Variants in DLGAP1 observed in about 807,000 individuals in gnomAD.
DLGAP1 encodes the protein disks large-associated protein 1.
DLGAP1 carries 11 observed loss-of-function variants against 90.8 expected under a neutral mutation model. The ratio of observed to expected loss-of-function variants is 0.12; its 90% CI spans 0.08 to 0.20. The LOEUF (loss-of-function observed/expected upper bound fraction) is 0.20. DLGAP1 is among the 10% of genes least tolerant of loss of function. The pLI is 1.00. For missense variants in DLGAP1, 1,050 were observed against 1,333.8 expected (o/e 0.79, Z 3.31); for synonymous variants, 558 against 540.7 (o/e 1.03, Z -0.44).
intron 3 of DLGAP1, among the ~76,000 whole-genome samples, chr18:3,963,012 A>C (rs1220746253): frequency 6.6e-6 from 1 of 152,148 alleles, no homozygotes; most frequent in Non-Finnish European, 1.5e-5. Context: ...GACTGGTTGA[A>C]GACTGAAAAT....
At chr18:4,381,949 AGG>A (rs1300939896) in intron 1 of DLGAP1, among the ~76,000 whole-genome samples, 5 of 152,160 alleles carry the variant, frequency 3.3e-5, no homozygotes, top group African/African-American at 1.2e-4. Flanking sequence ...CAGACAAGAG[AGG>A]GAGTGATAGC....
At chr18:4,414,692 C>T (rs2144636658) in intron 1 of DLGAP1, among the ~76,000 whole-genome samples, 1 of 149,732 alleles carries the variant, frequency 6.7e-6, no homozygotes, top group Admixed American at 6.8e-5. Flanking sequence ...AGCCACTGCA[C>T]TCCAGCCTGG....
chr18:4,109,899 T>C (rs1249978451), intron 2 of DLGAP1, among the ~76,000 whole-genome samples: 3 of 152,168 alleles, frequency 2.0e-5, no homozygotes, highest in Admixed American at 2.0e-4. Context: ...GTTTATTTGT[T>C]TTTTGTGGGG....
rs530949401 is a variant in DLGAP1 at position 3,496,231 on chromosome 18, T to A, written c.*2954A>T. 36 of 152,310 alleles carry A rather than the reference T, an allele frequency of 2.4e-4. No individual in the cohort carries two copies. In the East Asian group the frequency reaches 5.0e-3, roughly 21 times the overall value. 9.4% of individuals were successfully genotyped at this position (152,310 alleles called of 1,614,324 possible). A position where few individuals can be genotyped will look rare whatever the true frequency, so the allele number is the denominator to read the frequency against. Reference sequence around the variant, plus strand: ...TTTTTTTCCAAACCAAAATAATTTTTAAAAATTACATTTGGGAATTCAGAT... The same window carrying A: ...TTTTTTTCCAAACCAAAATAATTTTAAAAAATTACATTTGGGAATTCAGAT... On this transcript the variant is annotated 3_prime_UTR_variant, in exon 13 of 13. Coordinates refer to ENST00000315677, the MANE Select transcript of DLGAP1 (RefSeq NM_004746.4).
rs368372729 is a variant in DLGAP1, at chr18:3,567,558, G to T, written c.1989C>A (p.Asp663Glu). ...GIQVDDAEEP[D>E]KTGENKAPSK... ...TGGGTGCTTTATTCTCCCCTGTTTT[G>T]TCAGGTTCTTCAGCATCATCCACCT... The change falls in exon 9 of 13, where the codon GAC (aspartate) becomes GAA (glutamate). Residue 663 changes from aspartate (D) to glutamate (E), a missense_variant. Physicochemically the swap from Asp to Glu is conservative, Grantham distance 45. This residue lies in a region of DLGAP1 where 565 missense variants were observed against 879.7 expected (regional missense o/e 0.64). Transcript: ENST00000315677. The T allele has an allele frequency of 7.4e-6, 12 of 1,613,762 alleles. No individual in the cohort carries two copies. Among genetic ancestry groups the T allele is most frequent in the Non-Finnish European group, 9.3e-6 (11 of 1,179,928 alleles).
intron 5 of DLGAP1, among the ~76,000 whole-genome samples, chr18:3,802,209 T>G (rs2066336864): frequency 6.6e-6 from 1 of 151,258 alleles, no homozygotes. Context: ...GGTCTTGAAC[T>G]CCTGACTTTG....
intron 1 of DLGAP1, among the ~76,000 whole-genome samples, chr18:4,152,430 G>A (rs941806462): frequency 6.6e-6 from 1 of 151,964 alleles, no homozygotes; most frequent in African/African-American, 2.4e-5. Context: ...GATATGGCTC[G>A]ATCAATTTTA....
At chr18:3,812,747 C>G (rs533400457) in intron 5 of DLGAP1, among the ~76,000 whole-genome samples, 28 of 152,306 alleles carry the variant, frequency 1.8e-4, no homozygotes, top group Middle Eastern at 3.4e-3. Flanking sequence ...TAAAATACAA[C>G]ATACTCTGCT....
chr18:4,204,899 T>G (rs1038870409), intron 1 of DLGAP1, among the ~76,000 whole-genome samples: 1 of 152,096 alleles, frequency 6.6e-6, no homozygotes, highest in Non-Finnish European at 1.5e-5. Flanking sequence ...TTTTGTGGTT[T>G]GTTTTCTTTC....
intron 1 of DLGAP1, among the ~76,000 whole-genome samples, chr18:4,191,087 A>G (rs6506193): frequency 0.95 from 144,088 of 152,132 alleles, 68,553 homozygotes; most frequent in Non-Finnish European, 1. Flanking sequence ...AATTTTTTTC[A>G]TTCATGGACG....
chr18:4,013,967 G>A (rs2074475144), intron 2 of DLGAP1: 1 of 151,972 alleles, frequency 6.6e-6, no homozygotes, highest in African/African-American at 2.4e-5. Flanking sequence ...AAACTAATAA[G>A]ATGACTATCA....
intron 1 of DLGAP1, among the ~76,000 whole-genome samples, chr18:4,415,377 T>C (rs1251817018): frequency 6.6e-6 from 1 of 152,144 alleles, no homozygotes; most frequent in South Asian, 2.1e-4. Context: ...GCTACAAAAA[T>C]ATTGTGGTGT....
Position 4,454,886 on chromosome 18 carries a change from A to G in DLGAP1, c.-267+120T>C, listed in dbSNP as rs2083935240. On this transcript the variant is annotated intron_variant, in intron 1 of 12. Transcript: ENST00000315677. The surrounding 1 kb of genome is among the most constrained non-coding windows in gnomAD (Gnocchi z 4.7). ...CAGCGGCCGGGGGAGCCCAGCCCGCAGCCCCTCCGCGGGCGAGGGAAGCGG... is the reference window on the plus strand; with the variant it reads ...CAGCGGCCGGGGGAGCCCAGCCCGCGGCCCCTCCGCGGGCGAGGGAAGCGG... The G allele has an allele frequency of 6.6e-6, 1 of 151,182 alleles. No homozygotes were observed. The highest frequency in any genetic ancestry group is 6.6e-5 in the Admixed American group (1 of 15,174). The allele number at this position is 151,182 out of a possible 1,614,324, so 9.4% of individuals were successfully genotyped here. A position where few individuals can be genotyped will look rare whatever the true frequency, so the allele number is the denominator to read the frequency against.
intron 1 of DLGAP1, chr18:4,294,018 T>C (rs1160962631): frequency 2.0e-5 from 3 of 152,220 alleles, no homozygotes; most frequent in Non-Finnish European, 4.4e-5. Context: ...GTGAGTTTAA[T>C]TGAACAGAAA....
Position 4,342,510 on chromosome 18 carries a change from T to G in DLGAP1, c.-267+112496A>C, listed in dbSNP as rs1000522108. Among the ~76,000 whole-genome samples the G allele has an allele frequency of 2.0e-5, 3 of 152,184 alleles. No homozygotes were observed. The highest frequency in any genetic ancestry group is 7.2e-5 in the African/African-American group (3 of 41,452). On this transcript the variant is annotated intron_variant, in intron 1 of 12. Coordinates refer to ENST00000315677, the MANE Select transcript of DLGAP1 (RefSeq NM_004746.4). This position sits in a 1 kb window ranked among gnomAD's most constrained non-coding sequence, Gnocchi z 5.8. ...ATCAAATGGCCTAATGTTACCTCAT[T>G]GCCCACTTTGAAAGACCATATGGTG...
At chr18:4,158,776 C>T (rs2076798189) in intron 1 of DLGAP1, among the ~76,000 whole-genome samples, 1 of 152,068 alleles carries the variant, frequency 6.6e-6, no homozygotes, top group Non-Finnish European at 1.5e-5. Flanking sequence ...AGGTCAAATA[C>T]TCAGCTGGGG....
rs8099240 is a variant in DLGAP1, at chr18:4,342,499, T to C, written c.-267+112507A>G. Among the ~76,000 whole-genome samples the C allele has an allele frequency of 0.065, 9,959 of 152,252 alleles. 1,098 individuals are homozygous for C. Among genetic ancestry groups the C allele is most frequent in the African/African-American group, 0.22 (9,297 of 41,512 alleles). On this transcript the variant is annotated intron_variant, in intron 1 of 12. Transcript: ENST00000315677. The surrounding 1 kb of genome is among the most constrained non-coding windows in gnomAD (Gnocchi z 5.8). The stretch of plus-strand genomic sequence containing the variant: ...TTCTAACTTTGATCAAATGGCCTAA[T>C]GTTACCTCATTGCCCACTTTGAAAG...
chr18:3,688,483 CAAA>C (rs2060779187), intron 7 of DLGAP1, among the ~76,000 whole-genome samples: 1 of 151,742 alleles, frequency 6.6e-6, no homozygotes, highest in East Asian at 1.9e-4. Context: ...TAAAAAAAAA[CAAA>C]AGAAAAATGT....
intron 4 of DLGAP1, among the ~76,000 whole-genome samples, chr18:3,876,445 A>G (rs1236507738): frequency 6.6e-6 from 1 of 152,206 alleles, no homozygotes; most frequent in Non-Finnish European, 1.5e-5. Flanking sequence ...TAATACATTC[A>G]ATATCTATTA....
Sources: gnomAD v4.1 joint callset for allele counts (sites outside exome capture counted in the v4.1 genomes callset) on GRCh38, gnomAD v4.1.1 for gene constraint, gnomAD v4.1.1 regional missense constraint, Gnocchi (gnomAD v3.1) non-coding constraint, MANE v1.5 for transcripts, NCBI Gene and HGNC (gene_info 2026-07-23, HGNC 2026-07-21) for gene names.